Variants in FBXL17 observed in about 807,000 individuals in gnomAD.
FBXL17 encodes F-box and leucine rich repeat protein 17.
Under a neutral mutation model 66.2 loss-of-function variants are expected in FBXL17, and 22 were observed. The observed-to-expected ratio is 0.33, with a 90% CI of 0.24 to 0.47. The LOEUF (loss-of-function observed/expected upper bound fraction) is 0.47. Ranked by LOEUF, FBXL17 falls within the 20% of genes least tolerant of loss-of-function variation. The probability of loss-of-function intolerance (pLI) is 1.00; values close to 1 mark genes in which losing one functional copy is unlikely to be tolerated. For synonymous variants in FBXL17, 474 were observed against 400.5 expected (o/e 1.18, Z -2.19); for missense variants, 878 against 948.2 (o/e 0.93, Z 0.97).
chr5:107,935,620 T>C (rs894338887), intron 7 of FBXL17, among the ~76,000 whole-genome samples: 2 of 152,048 alleles, frequency 1.3e-5, no homozygotes, highest in East Asian at 3.9e-4. Flanking sequence ...AATAGAGAGG[T>C]AGTAATAAAC....
chr5:107,936,789 T>C (rs572237949), intron 7 of FBXL17, among the ~76,000 whole-genome samples: 44 of 152,142 alleles, frequency 2.9e-4, no homozygotes, highest in African/African-American at 6.7e-4. Flanking sequence ...CATGTGTAAA[T>C]ATGAGGCTGG....
intron 7 of FBXL17, among the ~76,000 whole-genome samples, chr5:108,003,328 G>C (rs2112720392): frequency 6.6e-6 from 1 of 152,270 alleles, no homozygotes; most frequent in East Asian, 1.9e-4. Context: ...ACTGAAAGTA[G>C]TCCAAACTGG....
chr5:108,339,204 TA>T (rs1352050766), intron 4 of FBXL17, among the ~76,000 whole-genome samples: 1 of 152,216 alleles, frequency 6.6e-6, no homozygotes, highest in African/African-American at 2.4e-5. Context: ...TAACTGGGAA[TA>T]AGTCTTGGAT....
intron 6 of FBXL17, among the ~76,000 whole-genome samples, chr5:108,109,697 C>A (rs961067512): frequency 9.2e-5 from 14 of 152,006 alleles, no homozygotes; most frequent in African/African-American, 3.4e-4. Context: ...GAATGGAATA[C>A]CAGTTAGTGC....
At chr5:108,003,312 C>T (rs1418361500) in intron 7 of FBXL17, among the ~76,000 whole-genome samples, 1 of 152,074 alleles carries the variant, frequency 6.6e-6, no homozygotes, top group Non-Finnish European at 1.5e-5. Flanking sequence ...CCAAACTGCC[C>T]AAGAAACTGA....
chr5:108,215,654 C>T (rs1022362162), intron 5 of FBXL17, among the ~76,000 whole-genome samples: 4 of 152,106 alleles, frequency 2.6e-5, no homozygotes, highest in South Asian at 2.1e-4. Flanking sequence ...CTTATTCTGT[C>T]GATTGCCTCT....
chr5:108,302,812 A>C (rs1758654076), intron 4 of FBXL17, among the ~76,000 whole-genome samples: 1 of 151,882 alleles, frequency 6.6e-6, no homozygotes, highest in Admixed American at 6.6e-5. Context: ...CTATGTTGAA[A>C]TACAAATCAG....
At chr5:108,144,017 T>TAAAAAAAAAAAAAAAAAAAAAAA (rs1751463986) in intron 6 of FBXL17, among the ~76,000 whole-genome samples, 2 of 151,988 alleles carry the variant, frequency 1.3e-5, no homozygotes, top group African/African-American at 4.8e-5. Flanking sequence ...CTGCAGCTTT[T>TAAAAAAAAAAAAAAAAAAAAAAA]AAAAAATACA....
intron 6 of FBXL17, among the ~76,000 whole-genome samples, chr5:108,035,217 T>C (rs1580354606): frequency 6.6e-6 from 1 of 152,324 alleles, no homozygotes; most frequent in East Asian, 1.9e-4. Flanking sequence ...CAAAGGAGAA[T>C]AAATGCATAC....
At chr5:108,117,347 T>C (rs943604058) in intron 6 of FBXL17, among the ~76,000 whole-genome samples, 2 of 152,154 alleles carry the variant, frequency 1.3e-5, no homozygotes, top group African/African-American at 4.8e-5. Flanking sequence ...GAAAATGATG[T>C]GAAATGTTTA....
intron 8 of FBXL17, among the ~76,000 whole-genome samples, chr5:107,866,261 G>C (rs947093918): frequency 2.6e-5 from 4 of 151,998 alleles, no homozygotes; most frequent in Admixed American, 1.3e-4. Flanking sequence ...GTGATTAAAG[G>C]GGGAAAAACC....
chr5:108,017,414 G>C (rs288172), intron 7 of FBXL17, among the ~76,000 whole-genome samples: 23,946 of 152,156 alleles, frequency 0.16, 2,282 homozygotes, highest in South Asian at 0.43. Context: ...ATTTGGAAGA[G>C]GAGAAGGCTA....
intron 8 of FBXL17, chr5:107,880,593 T>A: frequency 9.4e-7 from 1 of 1,064,000 alleles, no homozygotes; most frequent in Non-Finnish European, 1.1e-6. Context: ...CCAGAATACA[T>A]AGATGTTCAG....
chr5:108,104,940 C>T (rs1358979562), intron 6 of FBXL17, among the ~76,000 whole-genome samples: 1 of 152,120 alleles, frequency 6.6e-6, no homozygotes, highest in Non-Finnish European at 1.5e-5. Context: ...CTCCCGGGTT[C>T]ACGCCATTCT....
At chr5:108,027,794 GA>G (rs1754886581) in intron 6 of FBXL17, among the ~76,000 whole-genome samples, 1 of 151,946 alleles carries the variant, frequency 6.6e-6, no homozygotes, top group East Asian at 1.9e-4. Context: ...GGAAACGCTA[GA>G]AAAAAAATTA....
At chr5:108,050,475 A>C (rs963421887) in intron 6 of FBXL17, among the ~76,000 whole-genome samples, 8 of 152,218 alleles carry the variant, frequency 5.3e-5, no homozygotes. Context: ...CTGAGTAAAT[A>C]ATGAAATTAA....
chr5:107,901,515 C>T (rs1191934219), intron 7 of FBXL17, among the ~76,000 whole-genome samples: 1 of 152,160 alleles, frequency 6.6e-6, no homozygotes. Context: ...TACTAAACCC[C>T]AATGCCTAAC....
intron 8 of FBXL17, among the ~76,000 whole-genome samples, chr5:107,868,586 C>T (rs55762588): frequency 3.3e-5 from 5 of 152,186 alleles, no homozygotes; most frequent in East Asian, 3.9e-4. Context: ...TCCCTTGTTA[C>T]GGAGGTAGGA....
At chr5:107,879,735 T>C (rs985656968) in intron 8 of FBXL17, 36 of 985,336 alleles carry the variant, frequency 3.7e-5, no homozygotes, top group Non-Finnish European at 4.1e-5. Flanking sequence ...GCTAGATTTG[T>C]TCCTAATCAC....
Sources: gnomAD v4.1 joint callset for allele counts (sites outside exome capture counted in the v4.1 genomes callset) on GRCh38, gnomAD v4.1.1 for gene constraint, MANE v1.5 for transcripts, NCBI Gene and HGNC (gene_info 2026-07-23, HGNC 2026-07-21) for gene names.